The following CNBD1 variants were observed in gnomAD, a reference collection of about 807,000 sequenced individuals.
CNBD1 encodes cyclic nucleotide-binding domain-containing protein 1.
CNBD1 carries 71 observed loss-of-function variants against 54.4 expected under a neutral mutation model. The observed-to-expected ratio is 1.30, with a 90% CI of 1.08 to 1.59. The LOEUF (loss-of-function observed/expected upper bound fraction) is 1.59. Ranked by LOEUF, CNBD1 falls within the 40% of genes most tolerant of loss-of-function variation. The pLI, the probability that CNBD1 is intolerant of heterozygous loss-of-function variation, is 0.00. For synonymous variants in CNBD1, 182 were observed against 170.7 expected, an observed-to-expected ratio of 1.07 and a Z score of -0.51; for missense variants, 659 against 518.0, an observed-to-expected ratio of 1.27 and a Z score of -2.64.
At chr8:87,342,304 T>G (rs907360118) in intron 8 of CNBD1, among the ~76,000 whole-genome samples, 1 of 151,782 alleles carries the variant, frequency 6.6e-6, no homozygotes, top group Non-Finnish European at 1.5e-5. Context: ...AAAACTCATC[T>G]GTGTACTCTT....
chr8:87,342,960 A>T (rs1810097567), intron 8 of CNBD1, among the ~76,000 whole-genome samples: 1 of 152,176 alleles, frequency 6.6e-6, no homozygotes, highest in Non-Finnish European at 1.5e-5. Context: ...GCCTGAGGGT[A>T]CTGCAGGAGA....
At chr8:86,955,173 T>A (rs1381698002) in intron 4 of CNBD1, among the ~76,000 whole-genome samples, 2 of 152,204 alleles carry the variant, frequency 1.3e-5, no homozygotes, top group Non-Finnish European at 2.9e-5. Context: ...TCATCATTTT[T>A]TATGGCTGCA....
intron 8 of CNBD1, among the ~76,000 whole-genome samples, chr8:87,310,899 A>T (rs1809250125): frequency 6.6e-6 from 1 of 152,146 alleles, no homozygotes; most frequent in Non-Finnish European, 1.5e-5. Flanking sequence ...CTGGCTAGCC[A>T]TAAGCAGACA....
intron 8 of CNBD1, among the ~76,000 whole-genome samples, chr8:87,338,724 T>G (rs112108235): frequency 0.017 from 2,635 of 152,216 alleles, 76 homozygotes; most frequent in African/African-American, 0.058. Context: ...TTTGGTGTTT[T>G]TTGAGCTTCC....
chr8:87,181,201 T>C (rs1283409411), intron 4 of CNBD1, among the ~76,000 whole-genome samples: 1 of 152,228 alleles, frequency 6.6e-6, no homozygotes, highest in Admixed American at 6.5e-5. Flanking sequence ...ATCAAAAGCA[T>C]CTATTCCTTT....
Position 87,221,019 on chromosome 8 carries a change from C to A in CNBD1, c.577+14881C>A, listed in dbSNP as rs1586339010. On this transcript the variant is annotated intron_variant, in intron 5 of 10. Coordinates refer to ENST00000518476, the MANE Select transcript of CNBD1 (RefSeq NM_173538.3). ...GAGAGTCACTCCTGACTGTGGCTGTCCTGGCCAAGCAGGCTGCCCCTTTTC... is the reference window on the plus strand; with the variant it reads ...GAGAGTCACTCCTGACTGTGGCTGTACTGGCCAAGCAGGCTGCCCCTTTTC... Among the ~76,000 whole-genome samples, 3 of 152,160 alleles carry A rather than the reference C, an allele frequency of 2.0e-5. No homozygotes were observed. The East Asian group carries it at 5.8e-4, about 29-fold the overall frequency.
chr8:86,894,561 T>G (rs1041224670), intron 2 of CNBD1, among the ~76,000 whole-genome samples: 8 of 152,206 alleles, frequency 5.3e-5, no homozygotes, highest in Non-Finnish European at 8.8e-5. Flanking sequence ...TTACTGTTTG[T>G]GTTGAACATT....
At chr8:87,368,161 A>AAAAAG (rs71277938) in intron 10 of CNBD1, among the ~76,000 whole-genome samples, 5,132 of 148,228 alleles carry the variant, frequency 0.035, 294 homozygotes, top group African/African-American at 0.12. Context: ...GATTCCATCT[A>AAAAAG]AAAAGAAAAG....
At chr8:87,241,603 A>G (rs1472313207) in intron 6 of CNBD1, among the ~76,000 whole-genome samples, 3 of 152,162 alleles carry the variant, frequency 2.0e-5, no homozygotes, top group African/African-American at 7.2e-5. Context: ...TAACAATGAA[A>G]GTGTCTAGCA....
intron 10 of CNBD1, among the ~76,000 whole-genome samples, chr8:87,374,074 C>A (rs538508817): frequency 1.3e-5 from 2 of 151,686 alleles, no homozygotes; most frequent in South Asian, 2.1e-4. Context: ...CAAAACTAAT[C>A]CCCTAAAAAA....
At chr8:86,908,802 G>GAGACGGAGTCCTT (rs1809057032) in intron 3 of CNBD1, among the ~76,000 whole-genome samples, 1 of 82,458 alleles carries the variant, frequency 1.2e-5, no homozygotes. Context: ...TTTTTTTTTT[G>GAGACGGAGTCCTT]TGCTGAGGGC....
intron 2 of CNBD1, among the ~76,000 whole-genome samples, chr8:87,409,643 T>G (rs1807706812): frequency 6.6e-6 from 1 of 152,096 alleles, no homozygotes; most frequent in Non-Finnish European, 1.5e-5. Flanking sequence ...GACTCTCCTG[T>G]TAGGGCCTAA....
At chr8:87,089,248 T>C (rs749208878) in intron 4 of CNBD1, among the ~76,000 whole-genome samples, 4 of 152,120 alleles carry the variant, frequency 2.6e-5, no homozygotes, top group Non-Finnish European at 5.9e-5. Flanking sequence ...CTGTAGCTAA[T>C]GCTGGTTATT....
intron 4 of CNBD1, among the ~76,000 whole-genome samples, chr8:87,101,892 T>A (rs1811435034): frequency 6.6e-6 from 1 of 150,660 alleles, no homozygotes; most frequent in Non-Finnish European, 1.5e-5. Context: ...GATTTAATTT[T>A]TTTTTTTTTT....
intron 8 of CNBD1, among the ~76,000 whole-genome samples, chr8:87,344,240 A>C (rs1457285462): frequency 1.3e-5 from 2 of 152,050 alleles, no homozygotes; most frequent in Non-Finnish European, 2.9e-5. Context: ...AATATGGGTA[A>C]GCAATTTTTA....
chr8:87,295,084 G>A (rs1033735550), intron 8 of CNBD1, among the ~76,000 whole-genome samples: 1 of 151,738 alleles, frequency 6.6e-6, no homozygotes, highest in Non-Finnish European at 1.5e-5. Context: ...AATGTGTGAT[G>A]GCTATGTAAA....
At chr8:87,425,968 G>C (rs142837138) in intron 2 of CNBD1, among the ~76,000 whole-genome samples, 2 of 152,156 alleles carry the variant, frequency 1.3e-5, no homozygotes, top group African/African-American at 4.8e-5. Context: ...AGCAATCAGC[G>C]AGACTCAGTG....
chr8:86,984,239 C>A (rs1239539177), intron 4 of CNBD1, among the ~76,000 whole-genome samples: 1 of 152,120 alleles, frequency 6.6e-6, no homozygotes, highest in African/African-American at 2.4e-5. Flanking sequence ...AAGTCAAGAC[C>A]CAAGGTTTGG....
rs563973713 is a variant in CNBD1, at chr8:87,251,666, C to T, written c.771+14554C>T. ...AGGTACCATTTAGGATTTATTCCTT[C>T]CAAATGCTATGGTACCATTCAGAGT... On this transcript the variant is annotated intron_variant, in intron 6 of 10. Coordinates refer to ENST00000518476, the MANE Select transcript of CNBD1 (RefSeq NM_173538.3). Among the ~76,000 whole-genome samples the T allele has an allele frequency of 1.4e-3, 208 of 151,470 alleles. 2 individuals are homozygous for T. Among genetic ancestry groups the T allele is most frequent in the African/African-American group, 4.7e-3 (194 of 41,350 alleles).
Sources: gnomAD v4.1 joint callset for allele counts (sites outside exome capture counted in the v4.1 genomes callset) on GRCh38, gnomAD v4.1.1 for gene constraint, MANE v1.5 for transcripts, NCBI Gene and HGNC (gene_info 2026-07-23, HGNC 2026-07-21) for gene names.